Variants in CPS1 observed in about 807,000 individuals in gnomAD.
CPS1 encodes the protein carbamoyl-phosphate synthase 1, also known as carbamoyl-phosphate synthase [ammonia], mitochondrial.
A neutral mutation model predicts 174.6 loss-of-function variants in CPS1; 109 were observed. The observed-to-expected ratio is 0.62, with a 90% CI of 0.53 to 0.73. The LOEUF is 0.73. Ranked by LOEUF, CPS1 falls within the 30% of genes least tolerant of loss-of-function variation. The pLI is 0.00. For synonymous variants in CPS1, 637 were observed against 632.0 expected (o/e 1.01, Z -0.12); for missense variants, 1,689 against 1,821.9 (o/e 0.93, Z 1.33).
chr2:210,637,891 T>A lies in CPS1; in HGVS notation c.2829+48T>A, dbSNP rs10427333. The A allele has an allele frequency of 8.3e-4, 1,329 of 1,607,738 alleles. 11 individuals are homozygous for A. The African/African-American group carries it at 0.015, about 18-fold the overall frequency. On this transcript the variant is annotated intron_variant, in intron 22 of 37. Coordinates refer to ENST00000233072, the MANE Select transcript of CPS1 (RefSeq NM_001875.5). ...CCATCCCCCACTGACAGGATTTCTG[T>A]GGTAAAACGTAGGCACCCATTCAAA...
In CPS1 at chr2:210,629,620, A is replaced by C. The variant is rs577905515; in HGVS notation, c.2688-8082A>C. 8.2e-4 allele frequency among the ~76,000 whole-genome samples: 124 copies of C among 151,626 alleles called. 1 individual carries two copies. Among genetic ancestry groups the C allele is most frequent in the African/African-American group, 2.7e-3 (113 of 41,410 alleles). On this transcript the variant is annotated intron_variant, in intron 21 of 37. Coordinates refer to ENST00000233072, the MANE Select transcript of CPS1 (RefSeq NM_001875.5). ...GTGAGCCACCGCGCCCAGCCAGAAC[A>C]CTTTCTTATATACGAATTGACATAA...
At chr2:210,578,700 G>A (rs960002113) in intron 4 of CPS1, among the ~76,000 whole-genome samples, 1 of 152,052 alleles carries the variant, frequency 6.6e-6, no homozygotes. Flanking sequence ...GGGAGAAGAA[G>A]GCATCCATAT....
At chr2:210,643,145 G>A (rs1431354363) in intron 25 of CPS1, among the ~76,000 whole-genome samples, 1 of 152,144 alleles carries the variant, frequency 6.6e-6, no homozygotes, top group African/African-American at 2.4e-5. Flanking sequence ...TCCATCAGAT[G>A]AAGCCATTAG....
intron 1 of CPS1, among the ~76,000 whole-genome samples, chr2:210,559,751 G>A (rs2106043464): frequency 6.6e-6 from 1 of 152,184 alleles, no homozygotes; most frequent in Non-Finnish European, 1.5e-5. Flanking sequence ...CTAATGCCCT[G>A]TTCTTGGACA....
intron 1 of CPS1, among the ~76,000 whole-genome samples, chr2:210,514,458 A>G (rs1268327429): frequency 6.6e-6 from 1 of 151,750 alleles, no homozygotes; most frequent in African/African-American, 2.4e-5. Flanking sequence ...ATGAGACTGC[A>G]TTCTTGATTA....
chr2:210,576,542 G>C lies in CPS1; in HGVS notation c.381+52G>C, dbSNP rs775329276. ...AGTCTCAATTTGAGGGAGTATAGTT[G>C]ACTTATTCTTAAGAATTAGGATGGC... On this transcript the variant is annotated intron_variant, in intron 3 of 37. Coordinates refer to ENST00000233072, the MANE Select transcript of CPS1 (RefSeq NM_001875.5). 1.9e-6 allele frequency: 3 copies of C among 1,606,190 alleles called. No homozygotes were observed. In the African/African-American group the frequency reaches 4.0e-5, roughly 21 times the overall value.
intron 1 of CPS1, among the ~76,000 whole-genome samples, chr2:210,479,328 T>TC (rs1451086031): frequency 1.8e-4 from 26 of 141,504 alleles, no homozygotes; most frequent in Non-Finnish European, 3.7e-4. Flanking sequence ...TATCATTCTT[T>TC]CTTTTTTTTT....
At chr2:210,513,070 G>A (rs192248799) in intron 1 of CPS1, among the ~76,000 whole-genome samples, 35 of 18,734 alleles carry the variant, frequency 1.9e-3, no homozygotes, top group African/African-American at 4.4e-3. Context: ...AGATATATAT[G>A]TGGAGATATA....
At chr2:210,642,723 CTTT>C in intron 25 of CPS1, 58 bp downstream of exon 25, 2 of 1,448,640 alleles carry the variant, frequency 1.4e-6, no homozygotes, top group Non-Finnish European at 1.9e-6. Flanking sequence ...GTAGTATACA[CTTT>C]ATATATATGC....
intron 7 of CPS1, among the ~76,000 whole-genome samples, chr2:210,589,859 A>C (rs1158224137): frequency 6.6e-6 from 1 of 151,748 alleles, no homozygotes; most frequent in Non-Finnish European, 1.5e-5. Flanking sequence ...CCTGTTTCCC[A>C]GGCTAGTCTT....
intron 26 of CPS1, 119 bp downstream of exon 26, chr2:210,648,176 T>C: frequency 1.0e-6 from 1 of 982,084 alleles, no homozygotes; most frequent in Non-Finnish European, 1.6e-6. Context: ...ATGCATACAC[T>C]TAGTGAATTT....
intron 14 of CPS1, 136 bp from the exon 15 acceptor site, chr2:210,600,419 C>G: frequency 1.3e-6 from 1 of 749,754 alleles, no homozygotes; most frequent in Non-Finnish European, 2.1e-6. Context: ...AATTTTTTTC[C>G]CTAAGTGCAA....
Position 210,606,744 on chromosome 2 carries a change from T to C in CPS1, c.1995T>C (p.Val665=), listed in dbSNP as rs770854846. The change falls in exon 18 of 38, where the codon GTT becomes GTC. Residue 665 remains valine, a synonymous_variant. Coordinates refer to ENST00000233072, the MANE Select transcript of CPS1 (RefSeq NM_001875.5). ...TTGGATATATAGGTGACTCAGTTGT[T>C]GTGGCTCCTGCCCAGACACTCTCCA... is the stretch of plus-strand genomic sequence containing the variant. The part of the protein sequence containing the change: ...AMGVHTGDSV[V]VAPAQTLSNA... 17 of 1,612,330 alleles carry C rather than the reference T, an allele frequency of 1.1e-5. No homozygotes were observed. The highest frequency in any genetic ancestry group is 1.7e-4 in the Middle Eastern group (1 of 6,048).
intron 1 of CPS1, among the ~76,000 whole-genome samples, chr2:210,503,112 C>T (rs960233637): frequency 6.6e-6 from 1 of 152,156 alleles, no homozygotes; most frequent in African/African-American, 2.4e-5. Flanking sequence ...TAATTTAACT[C>T]TTCCTAACTC....
chr2:210,572,452 G>A (rs918121719), intron 1 of CPS1, among the ~76,000 whole-genome samples: 12 of 151,838 alleles, frequency 7.9e-5, no homozygotes, highest in African/African-American at 2.9e-4. Context: ...TGAATTTTAC[G>A]GAAATTGAGA....
At position 210,573,495 on chromosome 2, in the gene CPS1, G is replaced by C. The variant is rs547573240; in HGVS notation, c.236+88G>C. 665 of 1,014,048 alleles carry C rather than the reference G, an allele frequency of 6.6e-4. 15 individuals carry two copies. In the South Asian group the frequency reaches 8.1e-3, roughly 12 times the overall value. 62.8% of individuals were successfully genotyped at this position (1,014,048 alleles called of 1,614,324 possible). ...CTCATGGTGGTAAGTTGAAATCACT[G>C]CATCGTAGTAAGACTACGTATTGTC... On this transcript the variant is annotated intron_variant, in intron 2 of 37. Transcript: ENST00000233072.
At chr2:210,589,912 C>T (rs1698229759) in intron 7 of CPS1, among the ~76,000 whole-genome samples, 194 bp from the exon 8 acceptor site, 1 of 151,852 alleles carries the variant, frequency 6.6e-6, no homozygotes, top group Admixed American at 6.6e-5. Flanking sequence ...TTGAGCTTCC[C>T]TATGTGCTAG....
At chr2:210,623,602 A>G (rs892531772) in intron 21 of CPS1, among the ~76,000 whole-genome samples, 5 of 152,152 alleles carry the variant, frequency 3.3e-5, no homozygotes, top group African/African-American at 9.7e-5. Context: ...GTGAAAAATC[A>G]TAGGCGTGCC....
chr2:210,519,610 A>G (rs1695768187), intron 1 of CPS1: 2 of 224,138 alleles, frequency 8.9e-6, no homozygotes, highest in Non-Finnish European at 1.5e-5. Flanking sequence ...CGTTATGAGT[A>G]TTTCCTGCCC....
Sources: allele counts gnomAD v4.1 joint callset (sites outside exome capture counted in the v4.1 genomes callset), GRCh38; gene constraint gnomAD v4.1.1; transcripts MANE v1.5; gene names NCBI Gene and HGNC (gene_info 2026-07-23, HGNC 2026-07-21).